Variants in HORMAD2 observed in about 807,000 individuals in gnomAD.
The protein encoded by HORMAD2 is HORMA domain containing 2, also known as HORMA domain-containing protein 2.
A neutral mutation model predicts 38.8 loss-of-function variants in HORMAD2; 45 were observed. The ratio of observed to expected loss-of-function variants is 1.16; its 90% CI spans 0.91 to 1.49. The LOEUF (loss-of-function observed/expected upper bound fraction) is 1.49, where lower values mean the gene tolerates loss of function less well. Among genes scored for constraint, HORMAD2 ranks in the 40% most tolerant of loss-of-function variants. The pLI is 0.00. For synonymous variants in HORMAD2, 126 were observed against 122.8 expected (o/e 1.03, Z -0.17); for missense variants, 338 against 367.0 (o/e 0.92, Z 0.65).
In HORMAD2 at chr22:30,122,610, A is replaced by T. The variant is rs142245514; in HGVS notation, c.819+396A>T. 2.8e-3 allele frequency among the ~76,000 whole-genome samples: 426 copies of T among 152,278 alleles called. 1 individual carries two copies. The highest frequency in any genetic ancestry group is 9.8e-3 in the African/African-American group (409 of 41,558). Reference sequence around the variant, plus strand: ...GATAATTGGATGGGAGGAGTTGGGGAAGATAAATTTTATGGATAAACCCGA... The same window carrying T: ...GATAATTGGATGGGAGGAGTTGGGGTAGATAAATTTTATGGATAAACCCGA... On this transcript the variant is annotated intron_variant, in intron 10 of 10. Transcript: ENST00000336726.
At chr22:30,135,267 A>C (rs1923573789) in intron 10 of HORMAD2, among the ~76,000 whole-genome samples, 2 of 152,046 alleles carry the variant, frequency 1.3e-5, no homozygotes, top group Non-Finnish European at 2.9e-5. Flanking sequence ...AAAATATATG[A>C]AGCAACTGTT....
chr22:30,158,334 T>G, intron 10 of HORMAD2, among the ~76,000 whole-genome samples: 1 of 152,120 alleles, frequency 6.6e-6, no homozygotes, highest in East Asian at 1.9e-4. Context: ...AGGAAGAGAA[T>G]AAAACACAGC....
intron 3 of HORMAD2, among the ~76,000 whole-genome samples, chr22:30,100,763 G>A (rs1341418870): frequency 1.3e-5 from 2 of 152,150 alleles, no homozygotes; most frequent in East Asian, 1.9e-4. Flanking sequence ...CCATCAAAAA[G>A]TGGGCAAAGG....
intron 5 of HORMAD2, among the ~76,000 whole-genome samples, chr22:30,109,284 A>G (rs1358841521): frequency 6.6e-6 from 1 of 152,008 alleles, no homozygotes; most frequent in Non-Finnish European, 1.5e-5. Context: ...TCAGACTCCC[A>G]AAGTGCTGGG....
Position 30,122,025 on chromosome 22 carries a change from G to A in HORMAD2, c.630G>A (p.Leu210=), listed in dbSNP as rs1483007018. The A allele has an allele frequency of 6.2e-7, 1 of 1,613,052 alleles. No homozygotes were observed. The highest frequency in any genetic ancestry group is 8.5e-7 in the Non-Finnish European group (1 of 1,179,582). ...AAGGGGTAAATTCACACTTCCTGCT[G>A]TTTGACAAGGAGCCTATCAACGTGC... ...FKEGVNSHFL[L]FDKEPINVQV... Residue 210 remains leucine, a synonymous_variant, in exon 10 of 11, where the codon CTG becomes CTA. Coordinates refer to ENST00000336726, the MANE Select transcript of HORMAD2 (RefSeq NM_152510.4).
At chr22:30,120,835 G>C (rs1349232009) in intron 8 of HORMAD2, among the ~76,000 whole-genome samples, 2 of 152,152 alleles carry the variant, frequency 1.3e-5, no homozygotes, top group Non-Finnish European at 2.9e-5. Flanking sequence ...AGGAAGAAAA[G>C]TGGAAAAGCA....
At chr22:30,137,915 T>C (rs1923782677) in intron 10 of HORMAD2, among the ~76,000 whole-genome samples, 1 of 152,198 alleles carries the variant, frequency 6.6e-6, no homozygotes. Flanking sequence ...CTATTTTTAA[T>C]TTTCTTGGAT....
the HORMAD2 span, among the ~76,000 whole-genome samples, chr22:30,202,892 A>C: frequency 6.6e-6 from 1 of 152,178 alleles, no homozygotes; most frequent in South Asian, 2.1e-4. Context: ...AGCCGATGCC[A>C]AGGAAGTTAA....
At position 30,176,276 on chromosome 22, in the gene HORMAD2, A is replaced by C; in HGVS notation, c.*109A>C. On this transcript the variant is annotated 3_prime_UTR_variant, in exon 11 of 11. Transcript: ENST00000336726. The stretch of plus-strand genomic sequence containing the variant: ...TTCCTGTTACCAAAACCTTTTTCTA[A>C]ATTTTTTGCTCAATTTTTTTTGTCA... The C allele has an allele frequency of 1.3e-6, 1 of 787,780 alleles. No homozygotes were observed. The highest frequency in any genetic ancestry group is 2.0e-6 in the Non-Finnish European group (1 of 508,168). 48.8% of individuals were successfully genotyped at this position (787,780 alleles called of 1,614,324 possible). A position where few individuals can be genotyped will look rare whatever the true frequency, so the allele number is the denominator to read the frequency against.
At chr22:30,117,373 A>G (rs1922118269) in intron 7 of HORMAD2, among the ~76,000 whole-genome samples, 1 of 152,158 alleles carries the variant, frequency 6.6e-6, no homozygotes, top group Non-Finnish European at 1.5e-5. Context: ...CTGTGGACAT[A>G]CTGTATGACA....
intron 10 of HORMAD2, among the ~76,000 whole-genome samples, chr22:30,139,222 A>G (rs1923884008): frequency 7.0e-6 from 1 of 143,474 alleles, no homozygotes. Flanking sequence ...ATTCTTTATA[A>G]TAAATGTGTT....
intron 10 of HORMAD2, chr22:30,136,606 C>G (rs1034861639): frequency 1.3e-5 from 2 of 148,580 alleles, no homozygotes; most frequent in African/African-American, 5.0e-5. Context: ...ATTGTGTTTT[C>G]TTTTCTTCTT....
In HORMAD2 at chr22:30,176,238, G is replaced by A; in HGVS notation, c.*71G>A. 1.9e-6 allele frequency: 2 copies of A among 1,071,172 alleles called. No homozygotes were observed. The highest frequency in any genetic ancestry group is 1.4e-5 in the South Asian group (1 of 71,462). 66.4% of individuals were successfully genotyped at this position (1,071,172 alleles called of 1,614,324 possible). ...GTAAAAACATGCATAAACTGTCTTA[G>A]CAGGAAAGTACATTCCTGTTACCAA... On this transcript the variant is annotated 3_prime_UTR_variant, in exon 11 of 11. Transcript: ENST00000336726.
At position 30,177,028 on chromosome 22, in the gene HORMAD2, TAAATATTAAG is replaced by T. The variant is rs1215973094; in HGVS notation, c.*862_*871del. 1.3e-5 allele frequency: 2 copies of T among 152,692 alleles called. No homozygotes were observed. The highest frequency in any genetic ancestry group is 2.9e-5 in the Non-Finnish European group (2 of 68,036). The allele number at this position is 152,692 out of a possible 1,614,324, so 9.5% of individuals were successfully genotyped here. On this transcript the variant is annotated 3_prime_UTR_variant, in exon 11 of 11. Transcript: ENST00000336726. ...ATTTAAATGGATAGGACCAATAAGTTAAATATTAAGTGTGTGACTTATGGTTAAATAAAAT... is the reference window on the plus strand; with the variant it reads ...ATTTAAATGGATAGGACCAATAAGTTTGTGTGACTTATGGTTAAATAAAAT...
At chr22:30,094,319 A>G (rs2068744110) in intron 2 of HORMAD2, among the ~76,000 whole-genome samples, 1 of 152,208 alleles carries the variant, frequency 6.6e-6, no homozygotes, top group African/African-American at 2.4e-5. Context: ...TTCACTTCCT[A>G]AAGTGTTAGG....
At chr22:30,196,235 C>T in the HORMAD2 span, among the ~76,000 whole-genome samples, 1 of 152,208 alleles carries the variant, frequency 6.6e-6, no homozygotes, top group Non-Finnish European at 1.5e-5. Context: ...CCTATAACCC[C>T]TGGTTTCAGC....
Position 30,175,735 on chromosome 22 carries a change from C to A in HORMAD2, c.820-328C>A, listed in dbSNP as rs1926415830. Reference sequence around the variant, plus strand: ...CTCTAAAGCAGTCAGTGCCCCAGATCTCTCCTAAACCTTAATTGCTTCTTG... The same window carrying A: ...CTCTAAAGCAGTCAGTGCCCCAGATATCTCCTAAACCTTAATTGCTTCTTG... On this transcript the variant is annotated intron_variant, in intron 10 of 10. Coordinates refer to ENST00000336726, the MANE Select transcript of HORMAD2 (RefSeq NM_152510.4). Among the ~76,000 whole-genome samples the A allele has an allele frequency of 3.9e-5, 6 of 152,260 alleles. No individual in the cohort carries two copies. In the South Asian group the frequency reaches 1.2e-3, roughly 32 times the overall value.
chr22:30,191,502 T>A, the HORMAD2 span, among the ~76,000 whole-genome samples: 2 of 152,080 alleles, frequency 1.3e-5, no homozygotes, highest in Admixed American at 1.3e-4. Context: ...AAGTTTTTAT[T>A]TGCAGTTGGG....
intron 1 of HORMAD2, among the ~76,000 whole-genome samples, chr22:30,091,692 T>C (rs2068690624): frequency 6.6e-6 from 1 of 152,194 alleles, no homozygotes; most frequent in Non-Finnish European, 1.5e-5. Flanking sequence ...TTCTTTTCTT[T>C]TGGATAAATA....
Sources: gnomAD v4.1 joint callset for allele counts (sites outside exome capture counted in the v4.1 genomes callset) on GRCh38, gnomAD v4.1.1 for gene constraint, MANE v1.5 for transcripts, NCBI Gene and HGNC (gene_info 2026-07-23, HGNC 2026-07-21) for gene names.